The following NCKAP1 variants were observed in gnomAD, a reference collection of about 807,000 sequenced individuals.
NCKAP1 encodes nck-associated protein 1.
In NCKAP1, 21 loss-of-function variants were observed where a neutral mutation model predicts 151.2. The ratio of observed to expected loss-of-function variants is 0.14; its 90% CI spans 0.10 to 0.20. The LOEUF (loss-of-function observed/expected upper bound fraction) is 0.20, where lower values mean the gene tolerates loss of function less well. Ranked by LOEUF, NCKAP1 falls within the 10% of genes least tolerant of loss-of-function variation. The probability of loss-of-function intolerance (pLI) is 1.00; values close to 1 mark genes in which losing one functional copy is unlikely to be tolerated. For synonymous variants in NCKAP1, 484 were observed against 451.8 expected (o/e 1.07, Z -0.90); for missense variants, 933 against 1,352.1 (o/e 0.69, Z 4.86).
rs532963505 is a variant in NCKAP1 at position 182,993,823 on chromosome 2, T to C, written c.790+1016A>G. Among the ~76,000 whole-genome samples, 11 of 152,260 alleles carry C rather than the reference T, an allele frequency of 7.2e-5. No individual in the cohort carries two copies. The East Asian group carries it at 1.9e-3, about 27-fold the overall frequency. ...ACCCCCATGACATGCAATTTACCTA[T>C]ATAACAAACCTGCACATGTATGCAT... On this transcript the variant is annotated intron_variant, in intron 8 of 30. Transcript: ENST00000361354.
intron 14 of NCKAP1, among the ~76,000 whole-genome samples, chr2:182,978,587 C>A (rs1697873495): frequency 6.6e-6 from 1 of 152,036 alleles, no homozygotes; most frequent in African/African-American, 2.4e-5. Context: ...CTACAAAATG[C>A]AAATGTTTTA....
At chr2:182,995,294 T>G (rs1698247133) in intron 7 of NCKAP1, among the ~76,000 whole-genome samples, 1 of 152,168 alleles carries the variant, frequency 6.6e-6, no homozygotes, top group African/African-American at 2.4e-5. Flanking sequence ...GTGTGTGTAT[T>G]CTCCATATGT....
chr2:182,968,794 C>T (rs1193925149), intron 15 of NCKAP1, among the ~76,000 whole-genome samples: 2 of 152,132 alleles, frequency 1.3e-5, no homozygotes, highest in African/African-American at 4.8e-5. Flanking sequence ...TTGCCAGCAT[C>T]CATGAAATAG....
chr2:182,995,120 T>C lies in NCKAP1; in HGVS notation c.742-233A>G, dbSNP rs114620088. On this transcript the variant is annotated intron_variant, in intron 7 of 30. Coordinates refer to ENST00000361354, the MANE Select transcript of NCKAP1 (RefSeq NM_013436.5). ...ATCTGCATACCCTCAAACCTCTCTT[T>C]AAAAAAATATTGTTGCTAATTATCT... Among the ~76,000 whole-genome samples, 906 of 152,260 alleles carry C rather than the reference T, an allele frequency of 6.0e-3. 7 individuals carry two copies. Among genetic ancestry groups the C allele is most frequent in the Non-Finnish European group, 1.0e-2 (677 of 68,012 alleles).
chr2:183,017,028 AG>A (rs1327015603), intron 2 of NCKAP1, among the ~76,000 whole-genome samples: 3 of 152,136 alleles, frequency 2.0e-5, no homozygotes. Context: ...TGACAGCTCA[AG>A]GGGGGAAACA....
intron 1 of NCKAP1, among the ~76,000 whole-genome samples, chr2:183,027,017 T>C (rs932974035): frequency 6.6e-6 from 1 of 152,198 alleles, no homozygotes; most frequent in Admixed American, 6.5e-5. Flanking sequence ...CAATCAAATA[T>C]TTCCTTTATT....
intron 20 of NCKAP1, among the ~76,000 whole-genome samples, chr2:182,953,900 A>C (rs1300552762): frequency 6.6e-6 from 1 of 152,204 alleles, no homozygotes; most frequent in Non-Finnish European, 1.5e-5. Flanking sequence ...AAGTATAAAG[A>C]GGGTTTTACA....
intron 15 of NCKAP1, among the ~76,000 whole-genome samples, chr2:182,968,075 T>G (rs370268165): frequency 6.6e-6 from 1 of 152,088 alleles, no homozygotes; most frequent in African/African-American, 2.4e-5. Context: ...AGAAGGGAAA[T>G]AGTAAAACAT....
chr2:182,961,032 A>T (rs540280592), intron 18 of NCKAP1, among the ~76,000 whole-genome samples: 2 of 152,244 alleles, frequency 1.3e-5, no homozygotes, highest in Non-Finnish European at 2.9e-5. Context: ...CAACAATGAG[A>T]TACCATCTTA....
At chr2:182,967,386 T>C in intron 15 of NCKAP1, 25 bp from the exon 16 acceptor site, 2 of 1,467,646 alleles carry the variant, frequency 1.4e-6, no homozygotes, top group Non-Finnish European at 9.4e-7. Context: ...AAAAAAAAAG[T>C]AGTTCAGGTA....
intron 26 of NCKAP1, among the ~76,000 whole-genome samples, chr2:182,932,142 C>A (rs1176630125): frequency 6.6e-6 from 1 of 152,130 alleles, no homozygotes; most frequent in Non-Finnish European, 1.5e-5. Flanking sequence ...AGAAATAATA[C>A]ACGTTCACAC....
intron 1 of NCKAP1, among the ~76,000 whole-genome samples, chr2:183,026,731 G>A (rs779182835): frequency 3.9e-5 from 6 of 151,986 alleles, no homozygotes; most frequent in Admixed American, 2.6e-4. Context: ...ATGTTTCTTC[G>A]TCTGTAAAAT....
intron 26 of NCKAP1, among the ~76,000 whole-genome samples, chr2:182,933,893 T>C (rs1157031827): frequency 6.6e-6 from 1 of 152,132 alleles, no homozygotes; most frequent in Non-Finnish European, 1.5e-5. Context: ...TAACCACTGG[T>C]CAATCATTAC....
At chr2:183,010,633 C>A (rs1303947369) in intron 2 of NCKAP1, among the ~76,000 whole-genome samples, 1 of 152,180 alleles carries the variant, frequency 6.6e-6, no homozygotes, top group African/African-American at 2.4e-5. Flanking sequence ...TGTGCCTCAG[C>A]TAAAACTTTT....
intron 15 of NCKAP1, among the ~76,000 whole-genome samples, 157 bp from the exon 16 acceptor site, chr2:182,967,518 C>T (rs1366746631): frequency 3.9e-5 from 6 of 152,096 alleles, no homozygotes. Flanking sequence ...AGTGACCCTA[C>T]CTTGAAATTC....
chr2:182,951,212 C>T (rs532289337), intron 23 of NCKAP1, among the ~76,000 whole-genome samples: 32 of 152,108 alleles, frequency 2.1e-4, no homozygotes, highest in Non-Finnish European at 2.1e-4. Flanking sequence ...CACACTGACT[C>T]TTGCTATTTA....
At chr2:182,947,773 C>A (rs1313579483) in intron 23 of NCKAP1, among the ~76,000 whole-genome samples, 2 of 152,070 alleles carry the variant, frequency 1.3e-5, no homozygotes, top group African/African-American at 4.8e-5. Context: ...TCATCACTGA[C>A]AGAATAACTT....
At chr2:182,944,900 G>C (rs1459001308) in intron 23 of NCKAP1, among the ~76,000 whole-genome samples, 1 of 152,136 alleles carries the variant, frequency 6.6e-6, no homozygotes, top group Non-Finnish European at 1.5e-5. Flanking sequence ...CCAAGAGTTT[G>C]AGACCAGCCT....
intron 8 of NCKAP1, among the ~76,000 whole-genome samples, 188 bp downstream of exon 8, chr2:182,994,651 A>C (rs1291311567): frequency 6.6e-6 from 1 of 151,872 alleles, no homozygotes; most frequent in East Asian, 1.9e-4. Context: ...AAAAAAAAGA[A>C]AAAAAAGAAA....
Sources: gnomAD v4.1 joint callset for allele counts (sites outside exome capture counted in the v4.1 genomes callset) on GRCh38, gnomAD v4.1.1 for gene constraint, MANE v1.5 for transcripts, NCBI Gene and HGNC (gene_info 2026-07-23, HGNC 2026-07-21) for gene names.